XKR4: variants seen among roughly 807,000 people sequenced by gnomAD.
The protein encoded by XKR4 is XK-related protein 4.
Under a neutral mutation model 53.9 loss-of-function variants are expected in XKR4, and 12 were observed. The ratio of observed to expected loss-of-function variants is 0.22; its 90% CI spans 0.14 to 0.36. The LOEUF is 0.36. XKR4 is among the 10% of genes least tolerant of loss of function. The pLI is 1.00. For missense variants in XKR4, 799 were observed against 859.5 expected (o/e 0.93, Z 0.88); for synonymous variants, 354 against 362.4 (o/e 0.98, Z 0.26).
chr8:55,350,090 C>T (rs1160194142), intron 1 of XKR4, among the ~76,000 whole-genome samples: 2 of 152,280 alleles, frequency 1.3e-5, no homozygotes, highest in East Asian at 3.9e-4. Context: ...TGCCTTTTGC[C>T]TTAACAATAT....
At chr8:55,329,884 TAGA>T (rs1803359073) in intron 1 of XKR4, among the ~76,000 whole-genome samples, 1 of 152,216 alleles carries the variant, frequency 6.6e-6, no homozygotes. Context: ...ATACTAGGCA[TAGA>T]GGTTTGGTTT....
intron 2 of XKR4, among the ~76,000 whole-genome samples, chr8:55,407,185 G>A (rs954845658): frequency 1.4e-4 from 21 of 152,148 alleles, no homozygotes; most frequent in Non-Finnish European, 2.6e-4. Context: ...TGTCAGGGAG[G>A]CAGCCTCCCG....
chr8:55,530,191 GGAAGGAAGGAAGGAA>G lies in XKR4; in HGVS notation c.*5966_*5980del. The G allele has an allele frequency of 8.0e-6, 1 of 125,690 alleles. No individual in the cohort carries two copies. The highest frequency in any genetic ancestry group is 3.1e-5 in the African/African-American group (1 of 32,504). 7.8% of individuals were successfully genotyped at this position (125,690 alleles called of 1,614,324 possible). A position where few individuals can be genotyped will look rare whatever the true frequency, so the allele number is the denominator to read the frequency against. ...AGGAAGGAAGGAAGGAAGGAAGGAA[GGAAGGAAGGAAGGAA>G]GGAGATTTAACAAGTCTTTGAAGTG... is the stretch of plus-strand genomic sequence containing the variant. On this transcript the variant is annotated 3_prime_UTR_variant, in exon 3 of 3. Transcript: ENST00000327381.
At chr8:55,285,702 C>T (rs970670202) in intron 1 of XKR4, among the ~76,000 whole-genome samples, 1 of 152,194 alleles carries the variant, frequency 6.6e-6, no homozygotes, top group Non-Finnish European at 1.5e-5. Context: ...TAGGGGTGTT[C>T]AGGATCTCCA....
intron 1 of XKR4, among the ~76,000 whole-genome samples, chr8:55,112,562 G>GTTTTT (rs761779642): frequency 0.02 from 1,570 of 77,206 alleles, 285 homozygotes; most frequent in East Asian, 0.036. Context: ...TACTTTTCAG[G>GTTTTT]TTTTTTTTTT....
In XKR4 at chr8:55,352,308, C is replaced by T. The variant is rs181214088; in HGVS notation, c.807-5370C>T. ...CAGGAGAACCACATGAGCAAAGGCACGAGGTGTGGATTCATCTCCAAGGAG... is the reference window on the plus strand; with the variant it reads ...CAGGAGAACCACATGAGCAAAGGCATGAGGTGTGGATTCATCTCCAAGGAG... On this transcript the variant is annotated intron_variant, in intron 1 of 2. Transcript: ENST00000327381. 4.4e-4 allele frequency among the ~76,000 whole-genome samples: 67 copies of T among 152,234 alleles called. 1 individual carries two copies. Among genetic ancestry groups the T allele is most frequent in the Non-Finnish European group, 5.0e-4 (34 of 68,008 alleles).
At chr8:55,199,507 C>A (rs1277859600) in intron 1 of XKR4, among the ~76,000 whole-genome samples, 4 of 152,206 alleles carry the variant, frequency 2.6e-5, no homozygotes, top group Admixed American at 6.5e-5. Context: ...TTACCACAGA[C>A]CTATCTGTAA....
At chr8:55,467,806 A>G (rs1365298230) in intron 2 of XKR4, among the ~76,000 whole-genome samples, 2 of 152,142 alleles carry the variant, frequency 1.3e-5, no homozygotes, top group Non-Finnish European at 2.9e-5. Context: ...GCAAATGACC[A>G]GTCCATTTAT....
chr8:55,452,578 G>A (rs1042915158), intron 2 of XKR4: 3 of 859,216 alleles, frequency 3.5e-6, no homozygotes, highest in Admixed American at 1.8e-5. Context: ...CGGTTCTCCC[G>A]CTGCACCGCC....
intron 1 of XKR4, among the ~76,000 whole-genome samples, chr8:55,338,941 G>A (rs899949151): frequency 4.6e-5 from 7 of 152,188 alleles, no homozygotes; most frequent in Non-Finnish European, 1.0e-4. Flanking sequence ...ACTGTTTAAT[G>A]CAGCTGTTGA....
intron 2 of XKR4, among the ~76,000 whole-genome samples, chr8:55,423,477 G>A (rs1025076234): frequency 1.3e-5 from 2 of 152,184 alleles, no homozygotes; most frequent in African/African-American, 4.8e-5. Flanking sequence ...CGTGGCCCCT[G>A]CTTATTCTGA....
At chr8:55,383,683 C>A (rs979592361) in intron 2 of XKR4, among the ~76,000 whole-genome samples, 5 of 152,110 alleles carry the variant, frequency 3.3e-5, no homozygotes, top group African/African-American at 9.7e-5. Flanking sequence ...GTATTAATTT[C>A]ATTTAATCCT....
At chr8:55,143,788 G>A (rs896220035) in intron 1 of XKR4, among the ~76,000 whole-genome samples, 2 of 152,172 alleles carry the variant, frequency 1.3e-5, no homozygotes, top group African/African-American at 4.8e-5. Context: ...ACAAGTGTGG[G>A]TTCTTCTGCG....
chr8:55,200,214 C>T (rs1467071931), intron 1 of XKR4, among the ~76,000 whole-genome samples: 1 of 152,038 alleles, frequency 6.6e-6, no homozygotes, highest in African/African-American at 2.4e-5. Context: ...ATTACAGGCG[C>T]CCACCACAAC....
At chr8:55,388,472 T>C (rs1370004207) in intron 2 of XKR4, among the ~76,000 whole-genome samples, 1 of 113,886 alleles carries the variant, frequency 8.8e-6, no homozygotes, top group Non-Finnish European at 1.8e-5. Flanking sequence ...TTCCAGAGGC[T>C]GGGAAGTTCA....
At chr8:55,213,663 C>T (rs1425733061) in intron 1 of XKR4, among the ~76,000 whole-genome samples, 5 of 152,026 alleles carry the variant, frequency 3.3e-5, no homozygotes, top group Non-Finnish European at 5.9e-5. Flanking sequence ...CAAAATTAAA[C>T]GATAAACTAA....
chr8:55,164,119 C>T, intron 1 of XKR4: 1 of 448,638 alleles, frequency 2.2e-6, no homozygotes, highest in Non-Finnish European at 4.5e-6. Flanking sequence ...TTTCAGCAGA[C>T]CACAGCCCCA....
chr8:55,164,245 T>A (rs1251564178), intron 1 of XKR4: 2 of 456,458 alleles, frequency 4.4e-6, no homozygotes, highest in Non-Finnish European at 8.8e-6. Context: ...TTGAGACCCA[T>A]CTCCTCTTTC....
intron 1 of XKR4, among the ~76,000 whole-genome samples, chr8:55,175,754 G>A (rs1312922363): frequency 6.6e-6 from 1 of 152,184 alleles, no homozygotes; most frequent in Non-Finnish European, 1.5e-5. Context: ...GAAGTGATCT[G>A]CTTTTGTGTT....
Sources: gnomAD v4.1 joint callset for allele counts (sites outside exome capture counted in the v4.1 genomes callset) on GRCh38, gnomAD v4.1.1 for gene constraint, MANE v1.5 for transcripts, NCBI Gene and HGNC (gene_info 2026-07-23, HGNC 2026-07-21) for gene names.